The following GOLM2 variants were observed in gnomAD, a reference collection of about 807,000 sequenced individuals.
The protein encoded by GOLM2 is protein GOLM2.
GOLM2 carries 26 observed loss-of-function variants against 55.9 expected under a neutral mutation model. That is an observed-to-expected ratio of 0.47 (90% CI 0.34 to 0.65). GOLM2 has a LOEUF of 0.65. Ranked by LOEUF, GOLM2 falls within the 30% of genes least tolerant of loss-of-function variation. The pLI is 0.01. For synonymous variants in GOLM2, 165 were observed against 194.6 expected (o/e 0.85, Z 1.27); for missense variants, 486 against 531.8 (o/e 0.91, Z 0.85).
intron 6 of GOLM2, among the ~76,000 whole-genome samples, chr15:44,344,780 ATT>A (rs201124610): frequency 2.1e-5 from 3 of 141,208 alleles, no homozygotes; most frequent in African/African-American, 2.6e-5. Flanking sequence ...TATTTAATTA[ATT>A]TTTTTTTTTT....
intron 6 of GOLM2, among the ~76,000 whole-genome samples, chr15:44,341,034 A>G (rs1023382661): frequency 6.6e-6 from 1 of 151,034 alleles, no homozygotes; most frequent in Non-Finnish European, 1.5e-5. Context: ...GTGTTTAAAT[A>G]TATATAATTT....
intron 2 of GOLM2, among the ~76,000 whole-genome samples, chr15:44,325,165 G>C (rs1334284683): frequency 6.6e-6 from 1 of 151,980 alleles, no homozygotes; most frequent in African/African-American, 2.4e-5. Flanking sequence ...TATTTTTCCT[G>C]ATCCTCTTTC....
Position 44,324,874 on chromosome 15 carries a change from G to A in GOLM2, c.382+1855G>A, listed in dbSNP as rs547631335. ...TAACATAACTGGTGTTGCTTTCAAAGATAGAGCGTCCTGTACAATCAACCT... is the reference window on the plus strand; with the variant it reads ...TAACATAACTGGTGTTGCTTTCAAAAATAGAGCGTCCTGTACAATCAACCT... On this transcript the variant is annotated intron_variant, in intron 2 of 9. Transcript: ENST00000299957. 7.2e-4 allele frequency among the ~76,000 whole-genome samples: 110 copies of A among 152,142 alleles called. 3 individuals are homozygous for A. The South Asian group carries it at 0.023, about 31-fold the overall frequency.
At chr15:44,340,935 C>A (rs772491648) in intron 6 of GOLM2, among the ~76,000 whole-genome samples, 36 of 152,118 alleles carry the variant, frequency 2.4e-4, no homozygotes, top group Non-Finnish European at 4.3e-4. Context: ...GTTTCTGATA[C>A]ATAGAAGCAC....
chr15:44,352,072 C>T (rs1406112173), intron 6 of GOLM2, among the ~76,000 whole-genome samples: 1 of 152,008 alleles, frequency 6.6e-6, no homozygotes, highest in South Asian at 2.1e-4. Context: ...AAAAACAATC[C>T]TAAAATTTAT....
chr15:44,366,073 G>C (rs2079281584), intron 6 of GOLM2, among the ~76,000 whole-genome samples: 1 of 152,044 alleles, frequency 6.6e-6, no homozygotes, highest in African/African-American at 2.4e-5. Context: ...CGAGGTGGGT[G>C]GATCACGAGG....
chr15:44,371,185 G>A (rs1256037341), intron 6 of GOLM2, among the ~76,000 whole-genome samples: 2 of 152,104 alleles, frequency 1.3e-5, no homozygotes, highest in East Asian at 3.8e-4. Flanking sequence ...GATGATCTCT[G>A]TCTCCTCTGC....
intron 6 of GOLM2, among the ~76,000 whole-genome samples, chr15:44,359,866 C>T (rs969207092): frequency 6.6e-6 from 1 of 152,110 alleles, no homozygotes; most frequent in East Asian, 1.9e-4. Context: ...GGGAGAAACT[C>T]GATAAGCCAG....
intron 1 of GOLM2, among the ~76,000 whole-genome samples, chr15:44,314,232 G>A (rs542121170): frequency 8.4e-4 from 123 of 146,592 alleles, no homozygotes; most frequent in Non-Finnish European, 1.3e-3. Context: ...GCAAAACTCC[G>A]TCTCAAAAAA....
At chr15:44,379,917 T>C (rs2079391203) in intron 7 of GOLM2, 129 bp downstream of exon 7, 1 of 491,284 alleles carries the variant, frequency 2.0e-6, no homozygotes, top group Non-Finnish European at 3.6e-6. Flanking sequence ...AATGTTATTT[T>C]TTTTTAGACT....
intron 6 of GOLM2, among the ~76,000 whole-genome samples, chr15:44,359,839 C>A (rs998259205): frequency 1.3e-5 from 2 of 152,198 alleles, no homozygotes; most frequent in African/African-American, 4.8e-5. Context: ...GCCCATCAGA[C>A]TAACAGCGGA....
intron 2 of GOLM2, among the ~76,000 whole-genome samples, chr15:44,325,429 G>A (rs1402833561): frequency 6.6e-6 from 1 of 152,044 alleles, no homozygotes; most frequent in Admixed American, 6.6e-5. Flanking sequence ...CCATCAATGG[G>A]AAGCTTTGTG....
chr15:44,315,468 C>T (rs1042404439), intron 1 of GOLM2, among the ~76,000 whole-genome samples: 6 of 151,884 alleles, frequency 4.0e-5, no homozygotes, highest in Non-Finnish European at 5.9e-5. Flanking sequence ...AGAGAAGCCA[C>T]GTAGGATGGG....
chr15:44,380,942 G>A lies in GOLM2; in HGVS notation c.1038G>A (p.Lys346=). The A allele has an allele frequency of 6.3e-7, 1 of 1,585,016 alleles. No homozygotes were observed. The highest frequency in any genetic ancestry group is 1.4e-5 in the African/African-American group (1 of 74,070). ...IQTDILKQAT[K]DRVSDFHKLK... is the part of the protein sequence containing the mutation. ...CAGATATACTAAAGCAGGCTACCAA[G>A]GACAGAGTCAGTGATTTCCATAAAT... The change falls in exon 8 of 10, where the codon AAG becomes AAA. Residue 346 remains lysine (K), a synonymous_variant. Transcript: ENST00000299957.
chr15:44,401,036 T>G (rs991285015), intron 8 of GOLM2, among the ~76,000 whole-genome samples: 1 of 152,238 alleles, frequency 6.6e-6, no homozygotes, highest in African/African-American at 2.4e-5. Context: ...GTACTTAACC[T>G]TTCTTTCCAA....
At chr15:44,336,203 G>A (rs578188082) in intron 4 of GOLM2, among the ~76,000 whole-genome samples, 36 of 151,786 alleles carry the variant, frequency 2.4e-4, no homozygotes, top group Admixed American at 5.9e-4. Flanking sequence ...TGCAAGCTCC[G>A]CCTCCCGGGT....
At chr15:44,407,170 ATATT>A (rs2079602743) in intron 9 of GOLM2, among the ~76,000 whole-genome samples, 1 of 146,618 alleles carries the variant, frequency 6.8e-6, no homozygotes, top group Non-Finnish European at 1.5e-5. Context: ...TTTCTATTAT[ATATT>A]TATAACATAT....
chr15:44,397,493 A>AC (rs1444922122), intron 8 of GOLM2, among the ~76,000 whole-genome samples: 11 of 148,926 alleles, frequency 7.4e-5, no homozygotes, highest in Admixed American at 3.3e-4. Flanking sequence ...AAAAAAAAAA[A>AC]AAAAAAAAAC....
intron 6 of GOLM2, among the ~76,000 whole-genome samples, chr15:44,357,914 T>C (rs1271449565): frequency 6.6e-6 from 1 of 152,188 alleles, no homozygotes; most frequent in African/African-American, 2.4e-5. Context: ...ATTAAATAAA[T>C]GGAGAGCTAT....
Sources: gnomAD v4.1 joint callset for allele counts (sites outside exome capture counted in the v4.1 genomes callset) on GRCh38, gnomAD v4.1.1 for gene constraint, MANE v1.5 for transcripts, NCBI Gene and HGNC (gene_info 2026-07-23, HGNC 2026-07-21) for gene names.